Variants in HIBCH observed in about 807,000 individuals in gnomAD.
HIBCH encodes the protein 3-hydroxyisobutyryl-CoA hydrolase.
HIBCH carries 50 observed loss-of-function variants against 58.2 expected under a neutral mutation model. The ratio of observed to expected loss-of-function variants is 0.86; its 90% CI spans 0.68 to 1.09. The LOEUF is 1.09. Among genes scored for constraint, HIBCH ranks in the 50% least tolerant of loss-of-function variants. The pLI, the probability that HIBCH is intolerant of heterozygous loss-of-function variation, is 0.00. For synonymous variants in HIBCH, 151 were observed against 146.9 expected (o/e 1.03, Z -0.20); for missense variants, 450 against 449.7 (o/e 1.00, Z -0.01).
At chr2:190,231,330 T>A (rs541201610) in intron 11 of HIBCH, among the ~76,000 whole-genome samples, 2 of 152,182 alleles carry the variant, frequency 1.3e-5, no homozygotes, top group East Asian at 3.9e-4. Flanking sequence ...AAATCAATAC[T>A]GATAAAAGAG....
chr2:190,263,274 C>G (rs556179841), intron 6 of HIBCH, among the ~76,000 whole-genome samples: 133 of 152,302 alleles, frequency 8.7e-4, no homozygotes, highest in African/African-American at 2.7e-3. Flanking sequence ...CCCAAACCTA[C>G]CAAACCCAGT....
At chr2:190,221,755 G>A (rs972797600) in intron 11 of HIBCH, among the ~76,000 whole-genome samples, 11 of 152,164 alleles carry the variant, frequency 7.2e-5, no homozygotes, top group African/African-American at 2.7e-4. Context: ...CAAGACGACG[G>A]AGACTACGGT....
Position 190,244,957 on chromosome 2 carries a change from G to C in HIBCH, c.821C>G (p.Ala274Gly), listed in dbSNP as rs1464163104. 1 of 1,601,596 alleles carries C rather than the reference G, an allele frequency of 6.2e-7. No individual in the cohort carries two copies. The highest frequency in any genetic ancestry group is 1.3e-5 in the African/African-American group (1 of 74,782). Reference sequence around the variant, plus strand: ...TTCAATAATTTCTTCCACAGTATTGGCTGAAAAACAACTATAAAAAAAGGA... The same window carrying C: ...TTCAATAATTTCTTCCACAGTATTGCCTGAAAAACAACTATAAAAAAAGGA... ...HMDKINSCFS[A>G]NTVEEIIENL... The change falls in exon 11 of 14, where the codon GCC becomes GGC. Residue 274 changes from alanine (A) to glycine (G), a missense_variant. By Grantham distance (60) the Ala-to-Gly change is moderately conservative. Coordinates refer to ENST00000359678, the MANE Select transcript of HIBCH (RefSeq NM_014362.4).
chr2:190,245,989 C>CA lies in HIBCH; in HGVS notation c.809+164dup, dbSNP rs527873173. On this transcript the variant is annotated intron_variant, in intron 10 of 13. Transcript: ENST00000359678. ...TGGGGGATAGAGCGAGACTCTGTCT[C>CA]AAAAAAAAAAAAAAAAAAAGGAAGG... Among the ~76,000 whole-genome samples the CA allele has an allele frequency of 0.068, 4,016 of 59,232 alleles. 138 individuals carry two copies. The highest frequency in any genetic ancestry group is 0.15 in the African/African-American group (2,668 of 17,810). The allele number at this position is 59,232 out of a possible 152,430, so 38.9% of individuals were successfully genotyped here.
rs759685622 is a variant in HIBCH, at chr2:190,294,545, C to T, written c.304+1G>A. On this transcript the variant is annotated splice_donor_variant, in intron 4 of 13. Coordinates refer to ENST00000359678, the MANE Select transcript of HIBCH (RefSeq NM_014362.4). LOFTEE classifies it high-confidence loss of function. ...CTCAGGTGAAAGGGAAAAGTCTTTA[C>T]CTCTGATATCACCCCCGGCACAGAA... 1.2e-6 allele frequency: 2 copies of T among 1,606,650 alleles called. No homozygotes were observed. Among genetic ancestry groups the T allele is most frequent in the Non-Finnish European group, 1.7e-6 (2 of 1,174,194 alleles).
At chr2:190,309,065 T>C (rs1368250115) in intron 2 of HIBCH, among the ~76,000 whole-genome samples, 1 of 152,222 alleles carries the variant, frequency 6.6e-6, no homozygotes, top group Non-Finnish European at 1.5e-5. Flanking sequence ...ACATACTAAA[T>C]ACTTCATAAA....
At chr2:190,307,506 C>A (rs766655170) in intron 2 of HIBCH, among the ~76,000 whole-genome samples, 2 of 151,918 alleles carry the variant, frequency 1.3e-5, no homozygotes, top group Admixed American at 6.6e-5. Context: ...CTCATCTCTA[C>A]AAAAAATTTA....
chr2:190,227,410 A>G (rs1685940567), intron 11 of HIBCH, among the ~76,000 whole-genome samples: 1 of 152,196 alleles, frequency 6.6e-6, no homozygotes, highest in African/African-American at 2.4e-5. Context: ...ACCTTATACA[A>G]AAATTAATTC....
chr2:190,211,986 G>T lies in HIBCH; in HGVS notation c.1011+970C>A, dbSNP rs1690520585. Among the ~76,000 whole-genome samples the T allele has an allele frequency of 6.6e-6, 1 of 152,196 alleles. No homozygotes were observed. Among genetic ancestry groups the T allele is most frequent in the Non-Finnish European group, 1.5e-5 (1 of 68,036 alleles). ...AGAGTGCAGGCACTGGAGTAAGACT[G>T]CCTGGTTTCATATGCCATATCTCTG... On this transcript the variant is annotated intron_variant, in intron 12 of 13. Transcript: ENST00000359678. This position sits in a 1 kb window ranked among gnomAD's most constrained non-coding sequence, Gnocchi z 5.0.
At chr2:190,288,727 AG>A (rs1687889897) in intron 5 of HIBCH, among the ~76,000 whole-genome samples, 1 of 152,196 alleles carries the variant, frequency 6.6e-6, no homozygotes, top group Non-Finnish European at 1.5e-5. Flanking sequence ...AAAAAACAAA[AG>A]GAATTGGAAA....
At chr2:190,234,719 G>A (rs764078066) in intron 11 of HIBCH, among the ~76,000 whole-genome samples, 60 of 151,798 alleles carry the variant, frequency 4.0e-4, no homozygotes, top group African/African-American at 1.0e-3. Flanking sequence ...GTATGGTGGC[G>A]GGCACCTGTA....
At chr2:190,247,712 T>C (rs1686650963) in intron 9 of HIBCH, among the ~76,000 whole-genome samples, 1 of 152,224 alleles carries the variant, frequency 6.6e-6, no homozygotes, top group South Asian at 2.1e-4. Flanking sequence ...ACTTTTGTTA[T>C]CATCTTTAAA....
intron 11 of HIBCH, among the ~76,000 whole-genome samples, chr2:190,234,256 T>A (rs971134966): frequency 2.6e-5 from 4 of 152,148 alleles, no homozygotes; most frequent in African/African-American, 9.7e-5. Flanking sequence ...TATTTAACAG[T>A]AACTACTGAA....
rs535225338 is a variant in HIBCH at position 190,281,557 on chromosome 2, T to C, written c.438+6029A>G. The stretch of plus-strand genomic sequence containing the variant: ...AAATGCCTTGAGGGTCTTTCTCCCA[T>C]TGTCTTGATATTCCCTTCCATTAAG... On this transcript the variant is annotated intron_variant, in intron 6 of 13. Coordinates refer to ENST00000359678, the MANE Select transcript of HIBCH (RefSeq NM_014362.4). The surrounding 1 kb of genome is among the most constrained non-coding windows in gnomAD (Gnocchi z 5.4). 9.2e-5 allele frequency among the ~76,000 whole-genome samples: 14 copies of C among 152,316 alleles called. No homozygotes were observed. Among genetic ancestry groups the C allele is most frequent in the African/African-American group, 1.2e-4 (5 of 41,552 alleles).
chr2:190,290,142 T>C (rs1048570026), intron 5 of HIBCH, among the ~76,000 whole-genome samples: 2 of 152,048 alleles, frequency 1.3e-5, no homozygotes, highest in East Asian at 1.9e-4. Flanking sequence ...GCCTCCCAAA[T>C]TGCTGGGATT....
chr2:190,194,518 A>ACG (rs1285547920), intron 1 of HIBCH, among the ~76,000 whole-genome samples: 1 of 148,408 alleles, frequency 6.7e-6, no homozygotes, highest in Non-Finnish European at 1.5e-5. Context: ...ACACACACAC[A>ACG]CGCAGCATCT....
chr2:190,296,243 AC>A (rs1328457932), intron 3 of HIBCH, among the ~76,000 whole-genome samples: 1 of 151,942 alleles, frequency 6.6e-6, no homozygotes, highest in Non-Finnish European at 1.5e-5. Context: ...ACACGGTGAA[AC>A]CCCGTCTCTA....
At chr2:190,192,452 C>CTGTGTGTGTGTGTGTGTGTGTGTGTGTG (rs147936734) in intron 1 of HIBCH, among the ~76,000 whole-genome samples, 28 of 145,354 alleles carry the variant, frequency 1.9e-4, no homozygotes, top group African/African-American at 7.2e-4. Context: ...AATTCAGAAT[C>CTGTGTGTGTGTGTGTGTGTGTGTGTGTG]TGTGTGTGTG....
intron 6 of HIBCH, among the ~76,000 whole-genome samples, chr2:190,282,765 AC>A (rs1258037939): frequency 2.0e-5 from 3 of 152,116 alleles, no homozygotes; most frequent in African/African-American, 4.8e-5. Context: ...CAACGGCTAT[AC>A]AAGATGTTTA....
Sources: gnomAD v4.1 joint callset for allele counts (sites outside exome capture counted in the v4.1 genomes callset) on GRCh38, gnomAD v4.1.1 for gene constraint, Gnocchi (gnomAD v3.1) non-coding constraint, MANE v1.5 for transcripts, NCBI Gene and HGNC (gene_info 2026-07-23, HGNC 2026-07-21) for gene names.